The following RASAL1 variants were observed in gnomAD, a reference collection of about 807,000 sequenced individuals.
RASAL1 encodes RAS protein activator like 1.
Under a neutral mutation model 96.6 loss-of-function variants are expected in RASAL1, and 72 were observed. The ratio of observed to expected loss-of-function variants is 0.75; its 90% CI spans 0.62 to 0.91. The LOEUF (loss-of-function observed/expected upper bound fraction) is 0.91. RASAL1 is among the 40% of genes least tolerant of loss of function. The pLI, the probability that RASAL1 is intolerant of heterozygous loss-of-function variation, is 0.00. For missense variants in RASAL1, 1,016 were observed against 1,072.5 expected (o/e 0.95, Z 0.74); for synonymous variants, 405 against 430.4 (o/e 0.94, Z 0.73).
At chr12:113,104,371 G>T in intron 16 of RASAL1, 73 bp from the exon 17 acceptor site, 2 of 1,429,622 alleles carry the variant, frequency 1.4e-6, no homozygotes, top group South Asian at 2.7e-5. Context: ...CCGTCTGGTT[G>T]TGTGCAGCAG....
At position 113,108,093 on chromosome 12, in the gene RASAL1, G is replaced by T. The variant is rs779124226; in HGVS notation, c.1504C>A (p.Leu502Ile). 3 of 1,609,496 alleles carry T rather than the reference G, an allele frequency of 1.9e-6. No individual in the cohort carries two copies. Among genetic ancestry groups the T allele is most frequent in the Non-Finnish European group, 1.7e-6 (2 of 1,178,116 alleles). Residue 502 changes from leucine to isoleucine, a missense_variant, in exon 14 of 21, where the codon CTT (leucine) becomes ATT (isoleucine). Physicochemically the swap from Leu to Ile is conservative, Grantham distance 5. Transcript: ENST00000548055. ...AAACCCATGGCTGGCACCTTGGCAA[G>T]CAACAGCAGTGAGCGGCTAGTCTGG... is the stretch of plus-strand genomic sequence containing the variant. ...DPQTSRSLLL[L>I]AKAVQSIGNL...
At chr12:113,107,314 C>T (rs888869497) in intron 14 of RASAL1, 73 bp from the exon 15 acceptor site, 1 of 1,462,480 alleles carries the variant, frequency 6.8e-7, no homozygotes, top group East Asian at 2.5e-5. Context: ...GCTCCCAAAT[C>T]AGTGCTCAAT....
intron 1 of RASAL1, among the ~76,000 whole-genome samples, chr12:113,134,078 T>C (rs1346352849): frequency 6.6e-6 from 1 of 152,196 alleles, no homozygotes; most frequent in Non-Finnish European, 1.5e-5. Flanking sequence ...CAGCCTGGCC[T>C]CAATGCCCTA....
At chr12:113,125,911 G>A (rs79042200) in intron 4 of RASAL1, among the ~76,000 whole-genome samples, 23 of 152,308 alleles carry the variant, frequency 1.5e-4, no homozygotes, top group African/African-American at 2.9e-4. Context: ...GAAGCACCAC[G>A]ATGCCATCCC....
At chr12:113,118,795 A>T (rs1951179331) in intron 7 of RASAL1, among the ~76,000 whole-genome samples, 1 of 152,204 alleles carries the variant, frequency 6.6e-6, no homozygotes, top group South Asian at 2.1e-4. Context: ...TCCCAGCCTC[A>T]TAGGGTAGCC....
intron 4 of RASAL1, among the ~76,000 whole-genome samples, chr12:113,121,861 T>C (rs1951308229): frequency 6.6e-6 from 1 of 151,896 alleles, no homozygotes; most frequent in Non-Finnish European, 1.5e-5. Flanking sequence ...AGCTGGGACT[T>C]TAGGCGTGCA....
At chr12:113,114,984 G>A (rs1216358096) in intron 11 of RASAL1, 72 bp from the exon 12 acceptor site, 3 of 1,278,384 alleles carry the variant, frequency 2.3e-6, no homozygotes, top group East Asian at 4.6e-5. Flanking sequence ...CTGGGCGCAG[G>A]GGGGACCATG....
intron 20 of RASAL1, 58 bp from the exon 21 acceptor site, chr12:113,100,126 C>G: frequency 6.7e-7 from 1 of 1,492,114 alleles, no homozygotes. Flanking sequence ...GCTGCTGTAA[C>G]CCGGACCCAA....
rs1013710236 is a variant in RASAL1 at position 113,115,500 on chromosome 12, G to A, written c.1003+135C>T. ...GCAATTGGGCTCCCAACTGTCTGGAGGTGCACAGCACAGGGACCCACAGAA... is the reference window on the plus strand; with the variant it reads ...GCAATTGGGCTCCCAACTGTCTGGAAGTGCACAGCACAGGGACCCACAGAA... On this transcript the variant is annotated intron_variant, in intron 10 of 20. Transcript: ENST00000548055. The surrounding 1 kb of genome is among the most constrained non-coding windows in gnomAD (Gnocchi z 4.1). 2 of 1,254,206 alleles carry A rather than the reference G, an allele frequency of 1.6e-6. No homozygotes were observed. Among genetic ancestry groups the A allele is most frequent in the South Asian group, 1.5e-5 (1 of 66,434 alleles). The allele number at this position is 1,254,206 out of a possible 1,614,324, so 77.7% of individuals were successfully genotyped here.
intron 4 of RASAL1, among the ~76,000 whole-genome samples, chr12:113,123,772 G>C (rs953491087): frequency 1.3e-5 from 2 of 152,122 alleles, no homozygotes; most frequent in African/African-American, 2.4e-5. Context: ...TCAGTAGAGT[G>C]GGTTTTCACC....
chr12:113,133,199 A>G (rs1254686621), intron 1 of RASAL1, among the ~76,000 whole-genome samples: 2 of 152,194 alleles, frequency 1.3e-5, no homozygotes, highest in Admixed American at 1.3e-4. Context: ...TGAGGGCCTT[A>G]TCAGACTCCT....
intron 1 of RASAL1, among the ~76,000 whole-genome samples, chr12:113,131,336 T>A (rs898214088): frequency 1.3e-5 from 2 of 152,068 alleles, no homozygotes; most frequent in Non-Finnish European, 2.9e-5. Flanking sequence ...TGGGCCTCAG[T>A]TTCTCTGCTC....
intron 1 of RASAL1, among the ~76,000 whole-genome samples, chr12:113,133,879 C>A (rs371245729): frequency 1.3e-5 from 2 of 152,226 alleles, no homozygotes; most frequent in East Asian, 1.9e-4. Flanking sequence ...CTGCAGGAAC[C>A]AGGCATGACT....
intron 20 of RASAL1, 58 bp from the exon 21 acceptor site, chr12:113,100,126 C>A (rs1196581159): frequency 6.7e-7 from 1 of 1,491,996 alleles, no homozygotes; most frequent in Non-Finnish European, 9.0e-7. Flanking sequence ...GCTGCTGTAA[C>A]CCGGACCCAA....
chr12:113,127,697 A>C, intron 4 of RASAL1, 115 bp downstream of exon 4: 2 of 857,454 alleles, frequency 2.3e-6, no homozygotes, highest in South Asian at 1.8e-5. Flanking sequence ...AAAAGCAACA[A>C]GAGAAATAAG....
rs771868865 is a variant in RASAL1 at position 113,115,617 on chromosome 12, GT to G, written c.1003+17del. On this transcript the variant is annotated intron_variant, in intron 10 of 20. Coordinates refer to ENST00000548055, the MANE Select transcript of RASAL1 (RefSeq NM_001301202.2). The surrounding 1 kb of genome is among the most constrained non-coding windows in gnomAD (Gnocchi z 4.1). ...ACCATTGAGGGCGGTGATGTCGGGG[GT>G]TGTGCGGGCAACTCACTGGTCCGAG... is the stretch of plus-strand genomic sequence containing the variant. The G allele has an allele frequency of 2.0e-5, 33 of 1,611,240 alleles. No homozygotes were observed. In the East Asian group the frequency reaches 7.4e-4, roughly 36 times the overall value.
At chr12:113,126,626 G>A (rs151317113) in intron 4 of RASAL1, among the ~76,000 whole-genome samples, 1 of 152,118 alleles carries the variant, frequency 6.6e-6, no homozygotes, top group Non-Finnish European at 1.5e-5. Context: ...AGACTGCAGT[G>A]AGCCAAGACT....
intron 12 of RASAL1, among the ~76,000 whole-genome samples, chr12:113,114,530 A>T (rs1360490841): frequency 2.0e-5 from 3 of 152,160 alleles, no homozygotes; most frequent in Non-Finnish European, 4.4e-5. Context: ...ACCACTGAGG[A>T]ACAGAAGTTT....
chr12:113,115,074 C>A lies in RASAL1; in HGVS notation c.1068+126G>T. 8.5e-7 allele frequency: 1 copy of A among 1,178,398 alleles called. No individual in the cohort carries two copies. Among genetic ancestry groups the A allele is most frequent in the Non-Finnish European group, 1.3e-6 (1 of 794,248 alleles). 73.0% of individuals were successfully genotyped at this position (1,178,398 alleles called of 1,614,324 possible). A position where few individuals can be genotyped will look rare whatever the true frequency, so the allele number is the denominator to read the frequency against. On this transcript the variant is annotated intron_variant, in intron 11 of 20. Transcript: ENST00000548055. This position sits in a 1 kb window ranked among gnomAD's most constrained non-coding sequence, Gnocchi z 4.1. ...AACTCAGGGCAAGGCCGGGCACCAGCCGCCAGCACTGCAGCTCGGCTGCTC... is the reference window on the plus strand; with the variant it reads ...AACTCAGGGCAAGGCCGGGCACCAGACGCCAGCACTGCAGCTCGGCTGCTC...
Sources: allele counts gnomAD v4.1 joint callset (sites outside exome capture counted in the v4.1 genomes callset), GRCh38; gene constraint gnomAD v4.1.1; non-coding constraint Gnocchi (gnomAD v3.1); transcripts MANE v1.5; gene names NCBI Gene and HGNC (gene_info 2026-07-23, HGNC 2026-07-21).